REV1: variants seen among roughly 807,000 people sequenced by gnomAD.
The protein encoded by REV1 is translesion synthesis protein REV1.
A neutral mutation model predicts 137.4 loss-of-function variants in REV1; 42 were observed. The observed-to-expected ratio is 0.31, with a 90% CI of 0.24 to 0.40. The LOEUF (loss-of-function observed/expected upper bound fraction) is 0.40. REV1 is among the 10% of genes least tolerant of loss of function. The pLI is 1.00. For missense variants in REV1, 1,282 were observed against 1,490.1 expected (o/e 0.86, Z 2.30); for synonymous variants, 524 against 519.2 (o/e 1.01, Z -0.12).
chr2:99,462,465 C>A (rs1352600299), intron 3 of REV1, 31 bp downstream of exon 3: 4 of 1,564,948 alleles, frequency 2.6e-6, no homozygotes, highest in Non-Finnish European at 2.6e-6. Flanking sequence ...AAAATACATG[C>A]CAAAATAGGG....
At chr2:99,484,835 T>A (rs1443424060) in intron 1 of REV1, among the ~76,000 whole-genome samples, 1 of 152,192 alleles carries the variant, frequency 6.6e-6, no homozygotes, top group Non-Finnish European at 1.5e-5. Context: ...AGCAGACCGG[T>A]TATGACCTCG....
rs751254046 is a variant in REV1 at position 99,442,352 on chromosome 2, A to T, written c.468T>A (p.Gly156=). Residue 156 remains glycine, a synonymous_variant, in exon 5 of 23, where the codon GGT becomes GGA. Transcript: ENST00000258428. ...PVCRPEDPLP[G]PSNIAKQLNN... ...TGAGCTGTTTGGCTATATTGCTTGG[A>T]CCTGGCAGAGGATCCTCAGGTCTGC... The T allele has an allele frequency of 1.2e-6, 2 of 1,610,474 alleles. No homozygotes were observed. The highest frequency in any genetic ancestry group is 3.3e-5 in the Admixed American group (2 of 59,750).
At chr2:99,447,394 T>C (rs1186285769) in intron 4 of REV1, among the ~76,000 whole-genome samples, 1 of 152,080 alleles carries the variant, frequency 6.6e-6, no homozygotes, top group Non-Finnish European at 1.5e-5. Flanking sequence ...ATGTTCTCGA[T>C]CTCTTGACCT....
chr2:99,451,413 C>G, intron 3 of REV1: 1 of 1,302,118 alleles, frequency 7.7e-7, no homozygotes, highest in Non-Finnish European at 1.0e-6. Flanking sequence ...CATTGCCCTT[C>G]TACTGGATGA....
At chr2:99,445,053 T>C (rs1682015374) in intron 4 of REV1, among the ~76,000 whole-genome samples, 2 of 152,016 alleles carry the variant, frequency 1.3e-5, no homozygotes, top group Non-Finnish European at 2.9e-5. Flanking sequence ...AATCAAAACA[T>C]AGTCATAGCA....
chr2:99,451,400 A>G, intron 3 of REV1: 1 of 1,299,872 alleles, frequency 7.7e-7, no homozygotes, highest in South Asian at 1.2e-5. Context: ...GAACTGGAAA[A>G]TACATTGCCC....
At chr2:99,431,781 G>C (rs543307481) in intron 8 of REV1, 1 of 985,506 alleles carries the variant, frequency 1.0e-6, no homozygotes, top group African/African-American at 1.7e-5. Context: ...CCCTCCACGA[G>C]CGGAGTGAGT....
At chr2:99,449,550 A>C (rs199525904) in intron 3 of REV1, 46 bp from the exon 4 acceptor site, 1 of 1,014,074 alleles carries the variant, frequency 9.9e-7, no homozygotes, top group Non-Finnish European at 1.3e-6. Context: ...ATGTGTAAGA[A>C]GTAGAACCCT....
chr2:99,447,236 A>T (rs1486442048), intron 4 of REV1, among the ~76,000 whole-genome samples: 1 of 151,466 alleles, frequency 6.6e-6, no homozygotes, highest in Non-Finnish European at 1.5e-5. Flanking sequence ...AGCTCATTGT[A>T]ACCTTTGTCT....
At position 99,400,983 on chromosome 2, in the gene REV1, C is replaced by T; in HGVS notation, c.*258G>A. 1 of 261,902 alleles carries T rather than the reference C, an allele frequency of 3.8e-6. No individual in the cohort carries two copies. Among genetic ancestry groups the T allele is most frequent in the East Asian group, 7.5e-5 (1 of 13,392 alleles). The allele number at this position is 261,902 out of a possible 1,614,324, so 16.2% of individuals were successfully genotyped here. A position where few individuals can be genotyped will look rare whatever the true frequency, so the allele number is the denominator to read the frequency against. On this transcript the variant is annotated 3_prime_UTR_variant, in exon 23 of 23. Coordinates refer to ENST00000258428, the MANE Select transcript of REV1 (RefSeq NM_016316.4). ...GTTCTTTATTAAACAACTGTAAACA[C>T]TTCACTGTAAAAATCCATAAAACTT... is the stretch of plus-strand genomic sequence containing the variant.
chr2:99,468,123 T>C (rs1427379550), intron 1 of REV1, among the ~76,000 whole-genome samples: 1 of 150,588 alleles, frequency 6.6e-6, no homozygotes, highest in African/African-American at 2.4e-5. Context: ...GAGGTTGCGG[T>C]GAGCCGAGAT....
intron 1 of REV1, among the ~76,000 whole-genome samples, chr2:99,485,031 A>G (rs941418025): frequency 2.2e-4 from 33 of 152,232 alleles, no homozygotes; most frequent in African/African-American, 7.7e-4. Context: ...ATTTTGGAAG[A>G]AATGTTACAC....
intron 7 of REV1, 194 bp downstream of exon 7, chr2:99,435,640 C>T (rs1355908249): frequency 2.5e-6 from 1 of 394,420 alleles, no homozygotes; most frequent in Non-Finnish European, 4.5e-6. Context: ...ATATTCTTCC[C>T]TGAAGATCCC....
intron 4 of REV1, among the ~76,000 whole-genome samples, chr2:99,446,758 G>T (rs945426538): frequency 2.0e-5 from 3 of 152,118 alleles, no homozygotes; most frequent in African/African-American, 7.2e-5. Context: ...CTCCCAAAGT[G>T]GGGGGATTAC....
At chr2:99,417,323 TAGTAGA>T (rs1021924497) in intron 12 of REV1, among the ~76,000 whole-genome samples, 1 of 152,082 alleles carries the variant, frequency 6.6e-6, no homozygotes, top group African/African-American at 2.4e-5. Context: ...TTTGTAGTTC[TAGTAGA>T]GACAGGGTTT....
chr2:99,440,951 C>G (rs1445024140), intron 5 of REV1, among the ~76,000 whole-genome samples: 1 of 152,108 alleles, frequency 6.6e-6, no homozygotes, highest in African/African-American at 2.4e-5. Context: ...TGCAAAGTAG[C>G]TGTACTGGAA....
chr2:99,444,890 C>G (rs571570184), intron 4 of REV1, among the ~76,000 whole-genome samples: 1 of 152,276 alleles, frequency 6.6e-6, no homozygotes, highest in South Asian at 2.1e-4. Context: ...ACATTTTCTA[C>G]TATTCTTTCA....
chr2:99,430,107 ACT>A (rs571157644), intron 8 of REV1, among the ~76,000 whole-genome samples, 159 bp from the exon 9 acceptor site: 147 of 152,184 alleles, frequency 9.7e-4, no homozygotes, highest in African/African-American at 3.4e-3. Flanking sequence ...ATAAAAGAAA[ACT>A]CTAAAATGGT....
chr2:99,427,187 G>A (rs1302951562), intron 9 of REV1, among the ~76,000 whole-genome samples: 1 of 151,916 alleles, frequency 6.6e-6, no homozygotes, highest in South Asian at 2.1e-4. Context: ...ATCTCTGGGG[G>A]AAAAAAATTG....
Sources: allele counts gnomAD v4.1 joint callset (sites outside exome capture counted in the v4.1 genomes callset), GRCh38; gene constraint gnomAD v4.1.1; transcripts MANE v1.5; gene names NCBI Gene and HGNC (gene_info 2026-07-23, HGNC 2026-07-21).